PRR30: variants seen among roughly 807,000 people sequenced by gnomAD.
PRR30 encodes the protein proline rich 30.
For missense variants in PRR30, 546 were observed against 525.3 expected (o/e 1.04, Z -0.39); for synonymous variants, 229 against 222.7 (o/e 1.03, Z -0.25).
At position 27,137,743 on chromosome 2, in the gene PRR30, A is replaced by C; in HGVS notation, c.587T>G (p.Val196Gly). 1.2e-6 allele frequency: 2 copies of C among 1,614,010 alleles called. No homozygotes were observed. The highest frequency in any genetic ancestry group is 2.2e-5 in the South Asian group (2 of 91,078). ...CTGTGCAGGATCCTTCTCGCTTGGC[A>C]CGCATCTCTCCACCACTCCAGGGGA... is the stretch of plus-strand genomic sequence containing the variant. ...SGSPGVVERCVPSEKDPAQFR... is the reference protein window; with the variant it reads ...SGSPGVVERCGPSEKDPAQFR... Residue 196 changes from valine to glycine, a missense_variant, in exon 3 of 3, where the codon GTG becomes GGG. Physicochemically the swap from Val to Gly is moderately radical, Grantham distance 109. Transcript: ENST00000335524. This position sits in a 1 kb window ranked among gnomAD's most constrained non-coding sequence, Gnocchi z 4.3.
rs538148113 is a variant in PRR30, at chr2:27,138,115, T to C, written c.215A>G (p.Gln72Arg). The change falls in exon 3 of 3, where the codon CAA becomes CGA. Residue 72 changes from glutamine to arginine, a missense_variant. Transcript: ENST00000335524. ...AGAATTTGAGTCACAAGAGCCGAAT[T>C]GGAAGCCAGGAGAGGGGGATGCTGG... ...PPPASPSPGF[Q>R]FGSCDSNSDF... 140 of 1,613,516 alleles carry C rather than the reference T, an allele frequency of 8.7e-5. 2 individuals carry two copies. The South Asian group carries it at 1.5e-3, about 17-fold the overall frequency.
Position 27,138,035 on chromosome 2 carries a change from G to A in PRR30, c.295C>T (p.His99Tyr). ...CGGGGGAGAGAGAGGTAGTTCTGGT[G>A]AAAGAAAGTAGGGGAACTTGGGAGA... The part of the protein sequence containing the change: ...PSLPSSPTFF[H>Y]QNYLSLPRPR... Residue 99 changes from histidine to tyrosine, a missense_variant, in exon 3 of 3, where the codon CAC (histidine) becomes TAC (tyrosine). Transcript: ENST00000335524. 2 of 1,613,964 alleles carry A rather than the reference G, an allele frequency of 1.2e-6. No homozygotes were observed. The highest frequency in any genetic ancestry group is 2.2e-5 in the East Asian group (1 of 44,880).
Position 27,137,936 on chromosome 2 carries a change from G to A in PRR30, c.394C>T (p.Gln132Ter). The change falls in exon 3 of 3, where the codon CAG (glutamine) becomes TAG (stop). Residue 132 changes from glutamine to a stop codon, truncating the protein, a stop_gained. Transcript: ENST00000335524. LOFTEE classifies it low-confidence loss of function (END_TRUNC). This position sits in a 1 kb window ranked among gnomAD's most constrained non-coding sequence, Gnocchi z 4.3. The stretch of plus-strand genomic sequence containing the variant: ...TGGGGAAGGGAGGAGTTCTGAGGCT[G>A]GGAGGGAGAAAAGGAAGGGGTCAGA... ...PPLTPSFSPS[Q>*]PQNSSLPHSP... The A allele has an allele frequency of 1.2e-6, 2 of 1,611,056 alleles. No individual in the cohort carries two copies. The highest frequency in any genetic ancestry group is 1.3e-5 in the African/African-American group (1 of 74,964).
chr2:27,137,482 C>A lies in PRR30; in HGVS notation c.848G>T (p.Cys283Phe). 1 of 1,608,502 alleles carries A rather than the reference C, an allele frequency of 6.2e-7. No homozygotes were observed. The highest frequency in any genetic ancestry group is 8.5e-7 in the Non-Finnish European group (1 of 1,177,516). Residue 283 changes from cysteine to phenylalanine, a missense_variant, in exon 3 of 3, where the codon TGT becomes TTT. Transcript: ENST00000335524. The surrounding 1 kb of genome is among the most constrained non-coding windows in gnomAD (Gnocchi z 4.3). ...TGGCCCAGATTCCTGGCCCTGCACA[C>A]AGGGCAGTAGTTGAGGGAAAGCAAG... ...RLLAFPQLLP[C>F]VQGQESGPLR...
In PRR30 at chr2:27,137,435, C is replaced by T. The variant is rs756675383; in HGVS notation, c.895G>A (p.Gly299Ser). The change falls in exon 3 of 3, where the codon GGC becomes AGC. Residue 299 changes from glycine (G) to serine (S), a missense_variant. Transcript: ENST00000335524. This position sits in a 1 kb window ranked among gnomAD's most constrained non-coding sequence, Gnocchi z 4.3. ...SGPLRIGIGF[G>S]LRLPQGQARA... is the part of the protein sequence containing the mutation. ...GCCTGGCCCTGAGGCAGGCGGAGGC[C>T]GAAGCCGATGCCTATCCGGAGTGGC... The T allele has an allele frequency of 5.1e-5, 83 of 1,612,676 alleles. No homozygotes were observed. Among genetic ancestry groups the T allele is most frequent in the Non-Finnish European group, 6.5e-5 (77 of 1,179,836 alleles).
chr2:27,137,478 C>T lies in PRR30; in HGVS notation c.852G>A (p.Val284=), dbSNP rs761611037. 2.7e-5 allele frequency: 43 copies of T among 1,608,832 alleles called. No individual in the cohort carries two copies. The highest frequency in any genetic ancestry group is 6.6e-5 in the South Asian group (6 of 90,698). Residue 284 remains valine (V), a synonymous_variant, in exon 3 of 3, where the codon GTG becomes GTA. Coordinates refer to ENST00000335524, the MANE Select transcript of PRR30 (RefSeq NM_178553.4). The surrounding 1 kb of genome is among the most constrained non-coding windows in gnomAD (Gnocchi z 4.3). The part of the protein sequence containing the change: ...LLAFPQLLPC[V]QGQESGPLRI... Reference sequence around the variant, plus strand: ...GGAGTGGCCCAGATTCCTGGCCCTGCACACAGGGCAGTAGTTGAGGGAAAG... The same window carrying T: ...GGAGTGGCCCAGATTCCTGGCCCTGTACACAGGGCAGTAGTTGAGGGAAAG...
At position 27,138,553 on chromosome 2, in the gene PRR30, T is replaced by A; in HGVS notation, c.-224A>T. 1.3e-6 allele frequency: 1 copy of A among 772,846 alleles called. No homozygotes were observed. The highest frequency in any genetic ancestry group is 1.9e-6 in the Non-Finnish European group (1 of 518,340). 47.9% of individuals were successfully genotyped at this position (772,846 alleles called of 1,614,324 possible). A position where few individuals can be genotyped will look rare whatever the true frequency, so the allele number is the denominator to read the frequency against. On this transcript the variant is annotated 5_prime_UTR_variant, in exon 3 of 3. Coordinates refer to ENST00000335524, the MANE Select transcript of PRR30 (RefSeq NM_178553.4). Reference sequence around the variant, plus strand: ...CAGGGTGTTCAGGCATGAGCATGAATCTAAGCTTGGCTTCTCACTTCTTTG... The same window carrying A: ...CAGGGTGTTCAGGCATGAGCATGAAACTAAGCTTGGCTTCTCACTTCTTTG...
intron 2 of PRR30, 27 bp from the exon 3 acceptor site, chr2:27,138,721 C>T (rs1350677657): frequency 4.8e-6 from 1 of 206,292 alleles, no homozygotes; most frequent in Non-Finnish European, 1.1e-5. Flanking sequence ...GAACCCAAGA[C>T]ATTGGGAGAA....
chr2:27,137,571 C>G lies in PRR30; in HGVS notation c.759G>C (p.Leu253=), dbSNP rs1465819397. 3.1e-6 allele frequency: 5 copies of G among 1,595,026 alleles called. No individual in the cohort carries two copies. Among genetic ancestry groups the G allele is most frequent in the African/African-American group, 1.3e-5 (1 of 74,474 alleles). Reference sequence around the variant, plus strand: ...AGGGGCTGCGGGGCCGGAGGCACACCAGGCATATAGGATACTCCACGACTG... The same window carrying G: ...AGGGGCTGCGGGGCCGGAGGCACACGAGGCATATAGGATACTCCACGACTG... ...QAPVVEYPIC[L]VCLRPRSPSC... is the part of the protein sequence containing the mutation. Residue 253 remains leucine, a synonymous_variant, in exon 3 of 3, where the codon CTG becomes CTC. Transcript: ENST00000335524. The surrounding 1 kb of genome is among the most constrained non-coding windows in gnomAD (Gnocchi z 4.3).
chr2:27,138,589 T>C lies in PRR30; in HGVS notation c.-260A>G. The stretch of plus-strand genomic sequence containing the variant: ...CTTCTCACTTCTTTGCAGTCAACCA[T>C]TGATGAGGGATGTGTGGGGATGGAG... On this transcript the variant is annotated 5_prime_UTR_variant, in exon 3 of 3. The change abolishes an upstream ATG in the 5' untranslated region. Coordinates refer to ENST00000335524, the MANE Select transcript of PRR30 (RefSeq NM_178553.4). 1.9e-6 allele frequency: 1 copy of C among 521,102 alleles called. No individual in the cohort carries two copies. Among genetic ancestry groups the C allele is most frequent in the Non-Finnish European group, 3.2e-6 (1 of 308,344 alleles). 32.3% of individuals were successfully genotyped at this position (521,102 alleles called of 1,614,324 possible).
In PRR30 at chr2:27,137,692, T is replaced by C; in HGVS notation, c.638A>G (p.Gln213Arg). 1 of 1,613,444 alleles carries C rather than the reference T, an allele frequency of 6.2e-7. No homozygotes were observed. The highest frequency in any genetic ancestry group is 2.2e-5 in the East Asian group (1 of 44,826). Residue 213 changes from glutamine (Q) to arginine (R), a missense_variant, in exon 3 of 3, where the codon CAG (glutamine) becomes CGG (arginine). Gln to Arg is a conservative substitution (Grantham distance 43). Coordinates refer to ENST00000335524, the MANE Select transcript of PRR30 (RefSeq NM_178553.4). The surrounding 1 kb of genome is among the most constrained non-coding windows in gnomAD (Gnocchi z 4.3). Reference sequence around the variant, plus strand: ...GTGCCCCAGCTGGACCACCAGGGCCTGGGCCAGGGCCCCTGGGTCCCTGAA... The same window carrying C: ...GTGCCCCAGCTGGACCACCAGGGCCCGGGCCAGGGCCCCTGGGTCCCTGAA... ...AQFRDPGALA[Q>R]ALVVQLGHRR... is the part of the protein sequence containing the mutation.
At position 27,137,577 on chromosome 2, in the gene PRR30, T is replaced by C. The variant is rs2148424533; in HGVS notation, c.753A>G (p.Ile251Met). 3.1e-6 allele frequency: 5 copies of C among 1,601,918 alleles called. No individual in the cohort carries two copies. The highest frequency in any genetic ancestry group is 1.1e-5 in the South Asian group (1 of 89,666). The change falls in exon 3 of 3, where the codon ATA (isoleucine) becomes ATG (methionine). Residue 251 changes from isoleucine to methionine, a missense_variant. Ile to Met is a conservative substitution (Grantham distance 10). Transcript: ENST00000335524. The surrounding 1 kb of genome is among the most constrained non-coding windows in gnomAD (Gnocchi z 4.3). ...TGQAPVVEYPICLVCLRPRSP... is the reference protein window; with the variant it reads ...TGQAPVVEYPMCLVCLRPRSP... Reference sequence around the variant, plus strand: ...TGCGGGGCCGGAGGCACACCAGGCATATAGGATACTCCACGACTGGGGCCT... The same window carrying C: ...TGCGGGGCCGGAGGCACACCAGGCACATAGGATACTCCACGACTGGGGCCT...
In PRR30 at chr2:27,137,941, G is replaced by A. The variant is rs1415278063; in HGVS notation, c.389C>T (p.Pro130Leu). ...PSPPLTPSFS[P>L]SQPQNSSLPH... ...AAGGGAGGAGTTCTGAGGCTGGGAGGGAGAAAAGGAAGGGGTCAGAGGGGG... is the reference window on the plus strand; with the variant it reads ...AAGGGAGGAGTTCTGAGGCTGGGAGAGAGAAAAGGAAGGGGTCAGAGGGGG... Residue 130 changes from proline (P) to leucine (L), a missense_variant, in exon 3 of 3, where the codon CCC becomes CTC. Pro to Leu is a moderately conservative substitution (Grantham distance 98, BLOSUM62 -3). Transcript: ENST00000335524. The surrounding 1 kb of genome is among the most constrained non-coding windows in gnomAD (Gnocchi z 4.3). 7.5e-6 allele frequency: 12 copies of A among 1,610,626 alleles called. No homozygotes were observed. The highest frequency in any genetic ancestry group is 1.0e-5 in the Non-Finnish European group (12 of 1,178,442).
Position 27,138,181 on chromosome 2 carries a change from G to C in PRR30, c.149C>G (p.Pro50Arg), listed in dbSNP as rs61739485. Residue 50 changes from proline to arginine, a missense_variant, in exon 3 of 3, where the codon CCG becomes CGG. Transcript: ENST00000335524. The stretch of plus-strand genomic sequence containing the variant: ...ACGACGGGACTGAGTGGAAGAGAAC[G>C]GTGGTTGAGAGGGAGGGAGGCCCTG... ...PHQGLPPSQP[P>R]FSSTQSRRPS... 5,704 of 1,613,880 alleles carry C rather than the reference G, an allele frequency of 3.5e-3. 182 individuals carry two copies. The African/African-American group carries it at 0.064, about 18-fold the overall frequency.
rs1188592942 is a variant in PRR30, at chr2:27,137,418, C to G, written c.912G>C (p.Gln304His). The G allele has an allele frequency of 6.2e-7, 1 of 1,613,212 alleles. No individual in the cohort carries two copies. The highest frequency in any genetic ancestry group is 8.5e-7 in the Non-Finnish European group (1 of 1,179,974). ...GCAGATGCAAGGCCCTGGCCTGGCCCTGAGGCAGGCGGAGGCCGAAGCCGA... is the reference window on the plus strand; with the variant it reads ...GCAGATGCAAGGCCCTGGCCTGGCCGTGAGGCAGGCGGAGGCCGAAGCCGA... Reference protein sequence around the residue: ...IGIGFGLRLPQGQARALHLLP... With the variant: ...IGIGFGLRLPHGQARALHLLP... Residue 304 changes from glutamine to histidine, a missense_variant, in exon 3 of 3, where the codon CAG becomes CAC. Physicochemically the swap from Gln to His is conservative, Grantham distance 24. Coordinates refer to ENST00000335524, the MANE Select transcript of PRR30 (RefSeq NM_178553.4). This position sits in a 1 kb window ranked among gnomAD's most constrained non-coding sequence, Gnocchi z 4.3.
rs1287316620 is a variant in PRR30, at chr2:27,138,470, T to G, written c.-141A>C. The stretch of plus-strand genomic sequence containing the variant: ...CGCAGAGCGTGGCTCCAGCCTGGTG[T>G]GGGTGCAGGTGCTGGTGGCAGGCCA... On this transcript the variant is annotated 5_prime_UTR_variant, in exon 3 of 3. Transcript: ENST00000335524. The G allele has an allele frequency of 4.2e-6, 6 of 1,441,764 alleles. No individual in the cohort carries two copies. The highest frequency in any genetic ancestry group is 5.5e-6 in the Non-Finnish European group (6 of 1,095,024). The allele number at this position is 1,441,764 out of a possible 1,614,324, so 89.3% of individuals were successfully genotyped here. A position where few individuals can be genotyped will look rare whatever the true frequency, so the allele number is the denominator to read the frequency against.
At position 27,138,383 on chromosome 2, in the gene PRR30, CAG is replaced by C. The variant is rs915588033; in HGVS notation, c.-56_-55del. 6.5e-7 allele frequency: 1 copy of C among 1,535,734 alleles called. No individual in the cohort carries two copies. Among genetic ancestry groups the C allele is most frequent in the African/African-American group, 1.4e-5 (1 of 72,190 alleles). On this transcript the variant is annotated 5_prime_UTR_variant, in exon 3 of 3. Transcript: ENST00000335524. Reference sequence around the variant, plus strand: ...ACAAGACTAGGGATAAGAGACCTGGCAGAGTCAGGACCAGTATCTCTGAGGTC... The same window carrying C: ...ACAAGACTAGGGATAAGAGACCTGGCAGTCAGGACCAGTATCTCTGAGGTC...
Position 27,137,958 on chromosome 2 carries a change from CAG to C in PRR30, c.370_371del (p.Leu124AspfsTer30), listed in dbSNP as rs982630511. ...GCTGGGAGGGAGAAAAGGAAGGGGT[CAG>C]AGGGGGAGAGGGGTACAGCCAGTGG... The part of the protein sequence containing the change: ...SNHWLYPSPP[L>X]TPSFSPSQPQ... On this transcript the variant is annotated frameshift_variant, in exon 3 of 3. Transcript: ENST00000335524. LOFTEE classifies it low-confidence loss of function (END_TRUNC). This position sits in a 1 kb window ranked among gnomAD's most constrained non-coding sequence, Gnocchi z 4.3. 1.2e-6 allele frequency: 2 copies of C among 1,608,174 alleles called. No individual in the cohort carries two copies. The highest frequency in any genetic ancestry group is 1.3e-5 in the African/African-American group (1 of 74,116).
chr2:27,137,248 C>A lies in PRR30; in HGVS notation c.1082G>T (p.Arg361Met). 2 of 1,614,204 alleles carry A rather than the reference C, an allele frequency of 1.2e-6. No individual in the cohort carries two copies. The highest frequency in any genetic ancestry group is 1.7e-6 in the Non-Finnish European group (2 of 1,180,022). ...PGTPSQTRSF[R>M]SAGLQSPNSP... ...GTTTGGTGATTGAAGGCCTGCAGAC[C>A]TGAAGCTCCTGGTCTGGGAGGGTGT... Residue 361 changes from arginine to methionine, a missense_variant, in exon 3 of 3, where the codon AGG becomes ATG. By Grantham distance (91) the Arg-to-Met change is moderately conservative (BLOSUM62 -1). Transcript: ENST00000335524. This position sits in a 1 kb window ranked among gnomAD's most constrained non-coding sequence, Gnocchi z 4.3.
Sources: gnomAD v4.1 joint callset for allele counts on GRCh38, gnomAD v4.1.1 for gene constraint, Gnocchi (gnomAD v3.1) non-coding constraint, MANE v1.5 for transcripts, NCBI Gene and HGNC (gene_info 2026-07-23, HGNC 2026-07-21) for gene names.